The following ENTREP2 variants were observed in gnomAD, a reference collection of about 807,000 sequenced individuals.
ENTREP2 encodes the protein protein ENTREP2.
chr15:29,222,838 A>T, the ENTREP2 span, among the ~76,000 whole-genome samples: 3 of 152,230 alleles, frequency 2.0e-5, no homozygotes, highest in African/African-American at 7.2e-5. Context: ...TTCCTAGAAC[A>T]TACCATAAAT....
chr15:29,130,126 C>G, the ENTREP2 span, among the ~76,000 whole-genome samples: 1 of 152,328 alleles, frequency 6.6e-6, no homozygotes, highest in East Asian at 1.9e-4. Flanking sequence ...CCCACCCACA[C>G]AAAGGGTGTG....
At chr15:29,205,674 G>A in the ENTREP2 span, among the ~76,000 whole-genome samples, 1 of 152,140 alleles carries the variant, frequency 6.6e-6, no homozygotes, top group Non-Finnish European at 1.5e-5. Context: ...GGTTGTTTGT[G>A]TTCTTGTTGA....
At chr15:29,580,292 G>A in the ENTREP2 span, among the ~76,000 whole-genome samples, 1 of 152,108 alleles carries the variant, frequency 6.6e-6, no homozygotes, top group Non-Finnish European at 1.5e-5. Context: ...GGGCACCCAT[G>A]TTAGTGTCAC....
the ENTREP2 span, among the ~76,000 whole-genome samples, chr15:29,639,767 G>C: frequency 7.3e-6 from 1 of 137,480 alleles, no homozygotes; most frequent in Non-Finnish European, 1.5e-5. Flanking sequence ...GTTTTTGTTT[G>C]CTTTTTTTTT....
the ENTREP2 span, among the ~76,000 whole-genome samples, chr15:29,630,719 G>A: frequency 4.6e-5 from 7 of 152,210 alleles, no homozygotes; most frequent in East Asian, 1.4e-3. Flanking sequence ...ACACAGTCTT[G>A]CTCTGTCACC....
At chr15:29,373,405 G>T in the ENTREP2 span, among the ~76,000 whole-genome samples, 3 of 152,100 alleles carry the variant, frequency 2.0e-5, no homozygotes, top group African/African-American at 7.2e-5. Flanking sequence ...TAATGAGATA[G>T]GGGAGCAAAA....
the ENTREP2 span, among the ~76,000 whole-genome samples, chr15:29,191,683 T>G: frequency 6.6e-6 from 1 of 150,954 alleles, no homozygotes; most frequent in Non-Finnish European, 1.5e-5. Context: ...CTTTGGGAGG[T>G]CAAGGCAGCA....
the ENTREP2 span, among the ~76,000 whole-genome samples, chr15:29,394,882 CTTTTTTTTTTTTT>C: frequency 2.5e-3 from 239 of 95,840 alleles, 1 homozygote; most frequent in African/African-American, 0.012. Context: ...GTCAGAATCT[CTTTTTTTTTTTTT>C]TTTTTTTTTT....
At chr15:29,671,602 G>GC in the ENTREP2 span, among the ~76,000 whole-genome samples, 4 of 152,312 alleles carry the variant, frequency 2.6e-5, no homozygotes, top group East Asian at 7.7e-4. Context: ...AACAGCTCAA[G>GC]CCCATTCTTC....
At chr15:29,159,287 C>A in the ENTREP2 span, among the ~76,000 whole-genome samples, 1 of 151,888 alleles carries the variant, frequency 6.6e-6, no homozygotes, top group Non-Finnish European at 1.5e-5. Flanking sequence ...TCATTCCTCC[C>A]GATAGGTTCG....
chr15:29,598,853 C>G, the ENTREP2 span, among the ~76,000 whole-genome samples: 2 of 152,140 alleles, frequency 1.3e-5, no homozygotes, highest in Non-Finnish European at 2.9e-5. Flanking sequence ...CCCGCCACCG[C>G]GCCCAGCTAA....
chr15:29,123,344 C>T, the ENTREP2 span: 1 of 1,528,468 alleles, frequency 6.5e-7, no homozygotes, highest in Non-Finnish European at 8.8e-7. Flanking sequence ...CTCCTTCATA[C>T]CTGGTCCAGA....
the ENTREP2 span, among the ~76,000 whole-genome samples, chr15:29,452,000 G>GA: frequency 2.0e-5 from 3 of 152,048 alleles, no homozygotes; most frequent in African/African-American, 4.8e-5. Context: ...CCTTTTTCCT[G>GA]AAAAAAATGT....
the ENTREP2 span, among the ~76,000 whole-genome samples, chr15:29,551,803 CAAGAAGCAAGG>C: frequency 0.015 from 2,222 of 152,070 alleles, 51 homozygotes; most frequent in African/African-American, 0.051. Flanking sequence ...TTTTTGGAAG[CAAGAAGCAAGG>C]GAGAAGCAAG....
the ENTREP2 span, among the ~76,000 whole-genome samples, chr15:29,519,118 T>C: frequency 2.9e-4 from 44 of 151,952 alleles, no homozygotes; most frequent in Non-Finnish European, 5.0e-4. Flanking sequence ...TTTCTTGGTA[T>C]TCTAAAATAA....
chr15:29,293,671 C>T, the ENTREP2 span, among the ~76,000 whole-genome samples: 27 of 152,318 alleles, frequency 1.8e-4, no homozygotes, highest in Non-Finnish European at 2.9e-4. Flanking sequence ...CTGTCCAGGC[C>T]GTCCCCTCTG....
the ENTREP2 span, among the ~76,000 whole-genome samples, chr15:29,303,983 C>T: frequency 3.9e-5 from 6 of 152,024 alleles, no homozygotes; most frequent in South Asian, 1.0e-3. Flanking sequence ...CAGGTTCAGG[C>T]GATTCTCTTG....
the ENTREP2 span, among the ~76,000 whole-genome samples, chr15:29,483,595 T>C: frequency 2.6e-5 from 4 of 152,246 alleles, no homozygotes; most frequent in Admixed American, 6.5e-5. Context: ...TTTTGTTCCA[T>C]GTTTCAGATA....
At chr15:29,254,026 T>C in the ENTREP2 span, among the ~76,000 whole-genome samples, 7 of 152,054 alleles carry the variant, frequency 4.6e-5, no homozygotes, top group Non-Finnish European at 8.8e-5. Context: ...GTATGCTTAA[T>C]TAGCACTCTT....
Sources: allele counts gnomAD v4.1 joint callset (sites outside exome capture counted in the v4.1 genomes callset), GRCh38; gene constraint gnomAD v4.1.1; transcripts MANE v1.5; gene names NCBI Gene and HGNC (gene_info 2026-07-23, HGNC 2026-07-21).